The following FSTL4 variants were observed in gnomAD, a reference collection of about 807,000 sequenced individuals.
FSTL4 encodes the protein follistatin like 4.
A neutral mutation model predicts 78.2 loss-of-function variants in FSTL4; 28 were observed. The ratio of observed to expected loss-of-function variants is 0.36; its 90% confidence interval spans 0.27 to 0.49. FSTL4 has a LOEUF of 0.49. Among genes scored for constraint, FSTL4 ranks in the 20% least tolerant of loss-of-function variants. The pLI, the probability that FSTL4 is intolerant of heterozygous loss-of-function variation, is 0.98. For missense variants in FSTL4, 922 were observed against 1,084.9 expected (o/e 0.85, Z 2.11); for synonymous variants, 422 against 440.5 (o/e 0.96, Z 0.53).
intron 6 of FSTL4, among the ~76,000 whole-genome samples, chr5:133,250,862 G>A (rs1752208704): frequency 6.6e-6 from 1 of 152,234 alleles, no homozygotes; most frequent in South Asian, 2.1e-4. Flanking sequence ...AGCTACGCTA[G>A]GTGCTTCATC....
chr5:133,669,530 T>G, the FSTL4 span, among the ~76,000 whole-genome samples: 1 of 152,048 alleles, frequency 6.6e-6, no homozygotes, highest in Admixed American at 6.5e-5. Context: ...GGCTGAAGTG[T>G]GCCCTGCCCC....
intron 4 of FSTL4, among the ~76,000 whole-genome samples, chr5:133,369,743 C>T (rs964008027): frequency 4.6e-5 from 7 of 152,332 alleles, no homozygotes; most frequent in East Asian, 3.9e-4. Flanking sequence ...TGGCCTCAAA[C>T]GACACCATTA....
chr5:133,558,276 T>C (rs988644819), intron 3 of FSTL4, among the ~76,000 whole-genome samples: 3 of 152,174 alleles, frequency 2.0e-5, no homozygotes, highest in Non-Finnish European at 4.4e-5. Context: ...CCAATGCAAG[T>C]AGTAGTTATC....
Position 133,199,562 on chromosome 5 carries a change from C to T in FSTL4, c.2062G>A (p.Val688Ile), listed in dbSNP as rs749842205. The T allele has an allele frequency of 2.5e-6, 4 of 1,613,998 alleles. No individual in the cohort carries two copies. The highest frequency in any genetic ancestry group is 3.4e-6 in the Non-Finnish European group (4 of 1,179,854). ...GGGGATGTGTGTGGGGTGCCTGTTA[C>T]ATCACCATTGGGGCCAAGCACAGAG... Reference protein sequence around the residue: ...TDSVLGPNGDVTGTPHTSPDG... With the variant: ...TDSVLGPNGDITGTPHTSPDG... Residue 688 changes from valine (V) to isoleucine (I), a missense_variant, in exon 16 of 16, where the codon GTA (valine) becomes ATA (isoleucine). By Grantham distance (29) the Val-to-Ile change is conservative. Coordinates refer to ENST00000265342, the MANE Select transcript of FSTL4 (RefSeq NM_015082.2). The surrounding 1 kb of genome is among the most constrained non-coding windows in gnomAD (Gnocchi z 4.4).
chr5:133,821,739 A>G, the FSTL4 span, among the ~76,000 whole-genome samples: 1 of 152,140 alleles, frequency 6.6e-6, no homozygotes. Context: ...ACTTCATCCC[A>G]TGGGTTTATT....
chr5:133,620,241 A>C, the FSTL4 span, among the ~76,000 whole-genome samples: 1 of 152,274 alleles, frequency 6.6e-6, no homozygotes, highest in Admixed American at 6.5e-5. Flanking sequence ...TATATTTTCT[A>C]TGTTTTGTTT....
chr5:133,409,577 G>A (rs1241390313), intron 3 of FSTL4, among the ~76,000 whole-genome samples: 5 of 152,314 alleles, frequency 3.3e-5, no homozygotes, highest in African/African-American at 4.8e-5. Flanking sequence ...AGCAGGCCCC[G>A]AGGCAGGGCC....
At chr5:133,432,045 A>G (rs974862419) in intron 3 of FSTL4, among the ~76,000 whole-genome samples, 2 of 152,202 alleles carry the variant, frequency 1.3e-5, no homozygotes, top group Non-Finnish European at 2.9e-5. Context: ...TGAGAGTTAA[A>G]TAACAATTCA....
the FSTL4 span, among the ~76,000 whole-genome samples, chr5:133,818,865 A>C: frequency 6.9e-6 from 1 of 145,334 alleles, no homozygotes; most frequent in African/African-American, 2.6e-5. Context: ...ACAAGGACTC[A>C]GCTTAAAGCC....
the FSTL4 span, among the ~76,000 whole-genome samples, chr5:133,825,652 G>A: frequency 2.6e-5 from 4 of 152,236 alleles, no homozygotes; most frequent in Non-Finnish European, 5.9e-5. Flanking sequence ...GGAGGGGCAT[G>A]GCCCTCACCA....
At chr5:133,208,461 T>TAGGC (rs745541055) in intron 14 of FSTL4, 51,012 of 151,968 alleles carry the variant, frequency 0.34, 9,598 homozygotes, top group Middle Eastern at 0.43. Flanking sequence ...TAGATTCCTT[T>TAGGC]TAATCTACAG....
intron 5 of FSTL4, among the ~76,000 whole-genome samples, chr5:133,316,104 T>C (rs1251966931): frequency 6.6e-6 from 1 of 152,218 alleles, no homozygotes; most frequent in Non-Finnish European, 1.5e-5. Context: ...GGTAGAAGAC[T>C]TGGGGACTTC....
intron 3 of FSTL4, among the ~76,000 whole-genome samples, chr5:133,454,117 T>C (rs1757435587): frequency 6.6e-6 from 1 of 152,076 alleles, no homozygotes; most frequent in African/African-American, 2.4e-5. Context: ...CACCATATTA[T>C]AGATACTATC....
chr5:133,487,283 G>C (rs1369200432), intron 3 of FSTL4, among the ~76,000 whole-genome samples: 1 of 152,202 alleles, frequency 6.6e-6, no homozygotes, highest in Non-Finnish European at 1.5e-5. Flanking sequence ...CAGGGTGACT[G>C]GGTTCAGGAT....
the FSTL4 span, among the ~76,000 whole-genome samples, chr5:133,738,076 G>C: frequency 6.6e-6 from 1 of 152,096 alleles, no homozygotes; most frequent in Admixed American, 6.6e-5. Flanking sequence ...GTTCAATTAA[G>C]TAGAAACATT....
chr5:133,746,881 C>T, the FSTL4 span, among the ~76,000 whole-genome samples: 445 of 152,226 alleles, frequency 2.9e-3, 5 homozygotes, highest in African/African-American at 1.0e-2. Context: ...CTGAGAATAC[C>T]GGGCAGATGA....
intron 6 of FSTL4, 94 bp from the exon 7 acceptor site, chr5:133,249,670 A>G: frequency 1.1e-6 from 1 of 905,192 alleles, no homozygotes; most frequent in Non-Finnish European, 1.7e-6. Flanking sequence ...TGGGTGGAAG[A>G]GGCCCAGAAG....
intron 3 of FSTL4, among the ~76,000 whole-genome samples, chr5:133,496,720 C>A (rs1758373419): frequency 6.6e-6 from 1 of 152,252 alleles, no homozygotes; most frequent in African/African-American, 2.4e-5. Flanking sequence ...CCTGCCTTTG[C>A]CCCATTCTGA....
intron 6 of FSTL4, among the ~76,000 whole-genome samples, chr5:133,300,284 C>G (rs1307563605): frequency 6.6e-6 from 1 of 152,234 alleles, no homozygotes; most frequent in African/African-American, 2.4e-5. Context: ...CAAGTCTGCT[C>G]TTTCACTCAG....
Sources: allele counts gnomAD v4.1 joint callset (sites outside exome capture counted in the v4.1 genomes callset), GRCh38; gene constraint gnomAD v4.1.1; non-coding constraint Gnocchi (gnomAD v3.1); transcripts MANE v1.5; gene names NCBI Gene and HGNC (gene_info 2026-07-23, HGNC 2026-07-21).